Variants in PDSS2 observed in about 807,000 individuals in gnomAD.
The protein encoded by PDSS2 is decaprenyl diphosphate synthase subunit 2.
A neutral mutation model predicts 44.5 loss-of-function variants in PDSS2; 31 were observed. The observed-to-expected ratio is 0.70, with a 90% CI of 0.52 to 0.94. The LOEUF (loss-of-function observed/expected upper bound fraction) is 0.94, where lower values mean the gene tolerates loss of function less well. Among genes scored for constraint, PDSS2 ranks in the 40% least tolerant of loss-of-function variants. PDSS2 has a pLI of 0.00. For missense variants in PDSS2, 452 were observed against 482.2 expected (o/e 0.94, Z 0.59); for synonymous variants, 157 against 180.3 (o/e 0.87, Z 1.03).
chr6:107,349,108 C>T (rs1000439699), intron 1 of PDSS2, among the ~76,000 whole-genome samples: 1 of 152,070 alleles, frequency 6.6e-6, no homozygotes, highest in African/African-American at 2.4e-5. Context: ...ATCTTGGTAC[C>T]TCATAACCAT....
intron 1 of PDSS2, among the ~76,000 whole-genome samples, chr6:107,412,698 C>T (rs1174624999): frequency 6.6e-6 from 1 of 152,136 alleles, no homozygotes; most frequent in African/African-American, 2.4e-5. Flanking sequence ...TTTTTAAAGG[C>T]AAATTTACCA....
intron 2 of PDSS2, among the ~76,000 whole-genome samples, chr6:107,279,201 A>T (rs911935643): frequency 1.3e-5 from 2 of 152,192 alleles, no homozygotes; most frequent in African/African-American, 4.8e-5. Flanking sequence ...CCTGGGCAAC[A>T]GAGTGAAACT....
chr6:107,220,035 T>A (rs1685817104), intron 4 of PDSS2, among the ~76,000 whole-genome samples: 1 of 152,184 alleles, frequency 6.6e-6, no homozygotes. Flanking sequence ...TTTGTATAAT[T>A]CCATTGATGT....
intron 2 of PDSS2, among the ~76,000 whole-genome samples, chr6:107,276,671 C>T (rs1331627879): frequency 1.3e-5 from 2 of 152,174 alleles, no homozygotes; most frequent in African/African-American, 4.8e-5. Context: ...ATCAGTCACA[C>T]CCTCTGATAT....
intron 7 of PDSS2, among the ~76,000 whole-genome samples, chr6:107,172,753 AAC>A (rs1411234258): frequency 1.3e-5 from 2 of 151,680 alleles, no homozygotes; most frequent in African/African-American, 2.4e-5. Flanking sequence ...GTCATAATAA[AAC>A]ACACACACAC....
At chr6:107,437,429 G>A (rs1345409780) in intron 1 of PDSS2, among the ~76,000 whole-genome samples, 7 of 150,876 alleles carry the variant, frequency 4.6e-5, no homozygotes, top group Admixed American at 2.6e-4. Context: ...GGAGGCTGAG[G>A]TACAAGAATT....
At chr6:107,207,470 T>C (rs1773021055) in intron 6 of PDSS2, among the ~76,000 whole-genome samples, 1 of 152,140 alleles carries the variant, frequency 6.6e-6, no homozygotes, top group Non-Finnish European at 1.5e-5. Context: ...GGGTGGAATG[T>C]CTCTCCTAGG....
chr6:107,324,059 G>GTTATGTTACAGT (rs1470922293), intron 2 of PDSS2, among the ~76,000 whole-genome samples: 4 of 152,282 alleles, frequency 2.6e-5, no homozygotes, highest in African/African-American at 9.6e-5. Flanking sequence ...CTGACGTACA[G>GTTATGTTACAGT]TATGTTAAAC....
At chr6:107,181,357 A>G (rs1771970396) in intron 7 of PDSS2, among the ~76,000 whole-genome samples, 1 of 147,578 alleles carries the variant, frequency 6.8e-6, no homozygotes, top group Non-Finnish European at 1.5e-5. Context: ...ACATGGTGAA[A>G]CCCCGTCTCT....
At position 107,210,441 on chromosome 6, in the gene PDSS2, C is replaced by A; in HGVS notation, c.1006G>T (p.Glu336Ter). Reference sequence around the variant, plus strand: ...AAACAGGAGTAATTTCATTTTACCTCTCCGATCTGTTTAATCCACAAATCT... The same window carrying A: ...AAACAGGAGTAATTTCATTTTACCTATCCGATCTGTTTAATCCACAAATCT... ...GRDLWIKQIG[E>*]AQEKGRLDYA... Residue 336 changes from glutamate to a stop codon, truncating the protein, a stop_gained and splice_region_variant, in exon 6 of 8, where the codon GAG becomes TAG. Coordinates refer to ENST00000369037, the MANE Select transcript of PDSS2 (RefSeq NM_020381.4). LOFTEE classifies it high-confidence loss of function. The A allele has an allele frequency of 6.2e-7, 1 of 1,606,068 alleles. No homozygotes were observed. Among genetic ancestry groups the A allele is most frequent in the Non-Finnish European group, 8.5e-7 (1 of 1,173,324 alleles).
At chr6:107,241,110 G>A (rs1003619453) in intron 4 of PDSS2, among the ~76,000 whole-genome samples, 2 of 151,670 alleles carry the variant, frequency 1.3e-5, no homozygotes, top group Non-Finnish European at 2.9e-5. Flanking sequence ...TTAGTGAGAC[G>A]TGGTGGTGTG....
At chr6:107,245,512 TATAAC>T in intron 4 of PDSS2, 31 bp downstream of exon 4, 4 of 1,200,114 alleles carry the variant, frequency 3.3e-6, no homozygotes, top group Admixed American at 1.7e-5. Flanking sequence ...CACGACGGTT[TATAAC>T]ATAACATTTT....
chr6:107,282,573 T>C (rs1264322974), intron 2 of PDSS2, among the ~76,000 whole-genome samples: 1 of 151,606 alleles, frequency 6.6e-6, no homozygotes, highest in African/African-American at 2.4e-5. Flanking sequence ...TTTTTTTTAA[T>C]TATTTTTTGG....
chr6:107,225,175 T>G (rs866076867), intron 4 of PDSS2, among the ~76,000 whole-genome samples: 1 of 80,844 alleles, frequency 1.2e-5, no homozygotes, highest in African/African-American at 9.6e-5. Context: ...TTTTTTTTTT[T>G]TTTTTTTTTT....
intron 1 of PDSS2, among the ~76,000 whole-genome samples, chr6:107,427,075 C>T (rs1486934668): frequency 1.3e-5 from 2 of 152,050 alleles, no homozygotes; most frequent in Non-Finnish European, 2.9e-5. Flanking sequence ...GTGTCTCCAC[C>T]CTAATCTCAT....
intron 1 of PDSS2, among the ~76,000 whole-genome samples, chr6:107,455,549 C>CTAGA (rs1397564792): frequency 6.6e-5 from 10 of 151,386 alleles, no homozygotes; most frequent in Non-Finnish European, 1.3e-4. Context: ...AGGGCAGGAG[C>CTAGA]TAGAGACCAT....
chr6:107,368,142 G>A (rs867878294), intron 1 of PDSS2, among the ~76,000 whole-genome samples: 86 of 151,268 alleles, frequency 5.7e-4, no homozygotes, highest in African/African-American at 1.9e-3. Flanking sequence ...AGTGGTTTGC[G>A]CCTATAGTCC....
chr6:107,194,718 A>G (rs1582766701), intron 6 of PDSS2, among the ~76,000 whole-genome samples: 1 of 152,236 alleles, frequency 6.6e-6, no homozygotes, highest in East Asian at 1.9e-4. Context: ...TTGGGAGGCC[A>G]AGGCAGGCGG....
chr6:107,435,295 C>T (rs1196271810), intron 1 of PDSS2, among the ~76,000 whole-genome samples: 1 of 111,948 alleles, frequency 8.9e-6, no homozygotes, highest in Non-Finnish European at 1.7e-5. Flanking sequence ...CACACACACA[C>T]ACACACACAC....
Sources: allele counts gnomAD v4.1 joint callset (sites outside exome capture counted in the v4.1 genomes callset), GRCh38; gene constraint gnomAD v4.1.1; transcripts MANE v1.5; gene names NCBI Gene and HGNC (gene_info 2026-07-23, HGNC 2026-07-21).